The following GLIS3 variants were observed in gnomAD, a reference collection of about 807,000 sequenced individuals.
GLIS3 encodes the protein zinc finger protein GLIS3.
A neutral mutation model predicts 78.6 loss-of-function variants in GLIS3; 53 were observed. The observed-to-expected ratio is 0.67, with a 90% confidence interval of 0.54 to 0.85. The LOEUF is 0.85. Among genes scored for constraint, GLIS3 ranks in the 40% least tolerant of loss-of-function variants. GLIS3 has a pLI of 0.00. For synonymous variants in GLIS3, 684 were observed against 509.9 expected, an observed-to-expected ratio of 1.34 and a Z score of -4.60; for missense variants, 1,703 against 1,231.1, an observed-to-expected ratio of 1.38 and a Z score of -5.74.
intron 2 of GLIS3, among the ~76,000 whole-genome samples, chr9:4,148,730 G>C (rs1449743164): frequency 1.3e-5 from 2 of 152,080 alleles, no homozygotes; most frequent in African/African-American, 4.8e-5. Context: ...CAGGTAGGTG[G>C]AGAGAGGGCT....
chr9:4,350,269 G>A (rs962130942), upstream of GLIS3, among the ~76,000 whole-genome samples: 5 of 152,166 alleles, frequency 3.3e-5, no homozygotes, highest in Non-Finnish European at 7.3e-5. Flanking sequence ...GAGCAAAGAG[G>A]GAATAGGCGG....
chr9:3,914,241 G>A (rs1432517220), intron 6 of GLIS3, among the ~76,000 whole-genome samples: 1 of 152,034 alleles, frequency 6.6e-6, no homozygotes, highest in Non-Finnish European at 1.5e-5. Flanking sequence ...GAATTCCTGG[G>A]CTCAAGCTAT....
At chr9:4,449,173 T>A in the GLIS3 span, among the ~76,000 whole-genome samples, 1 of 152,174 alleles carries the variant, frequency 6.6e-6, no homozygotes, top group African/African-American at 2.4e-5. Flanking sequence ...TTATATACCA[T>A]GCATGGCTTG....
At chr9:3,907,422 T>G (rs796397052) in intron 6 of GLIS3, among the ~76,000 whole-genome samples, 6 of 152,292 alleles carry the variant, frequency 3.9e-5, no homozygotes, top group African/African-American at 1.4e-4. Context: ...CGTAATTTAC[T>G]TTCCTAATGG....
intron 4 of GLIS3, among the ~76,000 whole-genome samples, chr9:4,113,270 A>G (rs1831377199): frequency 6.6e-6 from 1 of 152,152 alleles, no homozygotes; most frequent in Admixed American, 6.5e-5. Flanking sequence ...TACGTTATTT[A>G]TACTTTTTTG....
intron 4 of GLIS3, among the ~76,000 whole-genome samples, chr9:4,087,604 G>A (rs1484690163): frequency 6.6e-6 from 1 of 152,052 alleles, no homozygotes; most frequent in African/African-American, 2.4e-5. Flanking sequence ...GCCTCATAGA[G>A]CTTAAAAATA....
At chr9:3,842,994 A>C (rs1430766256) in intron 9 of GLIS3, among the ~76,000 whole-genome samples, 1 of 152,150 alleles carries the variant, frequency 6.6e-6, no homozygotes, top group Non-Finnish European at 1.5e-5. Context: ...TTACACTCTC[A>C]GTAGATATGG....
chr9:4,356,052 C>G, the GLIS3 span, among the ~76,000 whole-genome samples: 1 of 152,152 alleles, frequency 6.6e-6, no homozygotes, highest in Non-Finnish European at 1.5e-5. Context: ...TTTTCCAGCC[C>G]CAGCTCTAAC....
chr9:3,957,371 G>T (rs1306696483), intron 4 of GLIS3, among the ~76,000 whole-genome samples: 4 of 152,230 alleles, frequency 2.6e-5, no homozygotes, highest in Non-Finnish European at 4.4e-5. Flanking sequence ...TTTAAAAGAA[G>T]ATTTTAAAAG....
At chr9:4,310,712 C>T (rs1817336881) in intron 2 of GLIS3, among the ~76,000 whole-genome samples, 1 of 152,128 alleles carries the variant, frequency 6.6e-6, no homozygotes, top group Non-Finnish European at 1.5e-5. Flanking sequence ...CTACAATGAG[C>T]CAATCACCCA....
chr9:3,837,828 G>C (rs969117860), intron 9 of GLIS3, among the ~76,000 whole-genome samples: 4 of 152,190 alleles, frequency 2.6e-5, no homozygotes, highest in African/African-American at 7.2e-5. Flanking sequence ...TACCATGGTG[G>C]ATAGATGCCA....
the GLIS3 span, among the ~76,000 whole-genome samples, chr9:4,458,160 C>G: frequency 6.6e-6 from 1 of 152,186 alleles, no homozygotes; most frequent in African/African-American, 2.4e-5. Flanking sequence ...CAACTTTGTT[C>G]TCTCTTATTG....
At position 3,909,408 on chromosome 9, in the gene GLIS3, T is replaced by C. The variant is rs565791198; in HGVS notation, c.1984-10573A>G. 1.9e-4 allele frequency among the ~76,000 whole-genome samples: 29 copies of C among 152,340 alleles called. 1 individual carries two copies. In the South Asian group the frequency reaches 4.3e-3, roughly 23 times the overall value. Reference sequence around the variant, plus strand: ...AATCTGCTATCAAATTCATTTCCTTTAGGAATGACCAATTTGCAAAGAGGA... The same window carrying C: ...AATCTGCTATCAAATTCATTTCCTTCAGGAATGACCAATTTGCAAAGAGGA... On this transcript the variant is annotated intron_variant, in intron 6 of 10. Coordinates refer to ENST00000381971, the MANE Select transcript of GLIS3 (RefSeq NM_001042413.2).
chr9:4,380,863 G>T, the GLIS3 span, among the ~76,000 whole-genome samples: 1 of 152,194 alleles, frequency 6.6e-6, no homozygotes, highest in Non-Finnish European at 1.5e-5. Flanking sequence ...TCCCTGCAAT[G>T]TCTTATCTCT....
intron 2 of GLIS3, among the ~76,000 whole-genome samples, chr9:4,256,723 G>A (rs1459782357): frequency 1.3e-5 from 2 of 152,168 alleles, no homozygotes; most frequent in African/African-American, 2.4e-5. Context: ...TTTATCAATA[G>A]GAGAATGAGT....
At chr9:3,918,117 A>G (rs1824642765) in intron 6 of GLIS3, among the ~76,000 whole-genome samples, 1 of 152,202 alleles carries the variant, frequency 6.6e-6, no homozygotes, top group Non-Finnish European at 1.5e-5. Flanking sequence ...GGCAAGATAG[A>G]GTCATGTCTT....
the GLIS3 span, among the ~76,000 whole-genome samples, chr9:4,389,765 T>A: frequency 6.6e-6 from 1 of 152,172 alleles, no homozygotes; most frequent in African/African-American, 2.4e-5. Context: ...GTGCAGTGAA[T>A]AAGCAGATGT....
At chr9:4,147,543 C>G (rs1481324196) in intron 2 of GLIS3, 1 of 152,262 alleles carries the variant, frequency 6.6e-6, no homozygotes, top group African/African-American at 2.4e-5. Context: ...TCCAGGGCTA[C>G]TTGCTCTTTG....
the GLIS3 span, among the ~76,000 whole-genome samples, chr9:4,356,136 A>G: frequency 1.6e-4 from 25 of 152,318 alleles, 1 homozygote; most frequent in African/African-American, 6.0e-4. Context: ...TTTCCTTGTA[A>G]TGATGGGTTA....
Sources: allele counts gnomAD v4.1 joint callset (sites outside exome capture counted in the v4.1 genomes callset), GRCh38; gene constraint gnomAD v4.1.1; transcripts MANE v1.5; gene names NCBI Gene and HGNC (gene_info 2026-07-23, HGNC 2026-07-21).